STAP1: variants seen among roughly 807,000 people sequenced by gnomAD.
STAP1 encodes signal transducing adaptor family member 1.
In STAP1, 30 loss-of-function variants were observed where a neutral mutation model predicts 37.8. The observed-to-expected ratio is 0.79, with a 90% CI of 0.59 to 1.08. The LOEUF is 1.08. Among genes scored for constraint, STAP1 ranks in the 50% least tolerant of loss-of-function variants. The pLI is 0.00. For synonymous variants in STAP1, 130 were observed against 116.0 expected, an observed-to-expected ratio of 1.12 and a Z score of -0.78; for missense variants, 357 against 349.4, an observed-to-expected ratio of 1.02 and a Z score of -0.17.
At chr4:67,596,910 C>A (rs1046723780) in intron 8 of STAP1, among the ~76,000 whole-genome samples, 1 of 152,174 alleles carries the variant, frequency 6.6e-6, no homozygotes, top group Non-Finnish European at 1.5e-5. Context: ...TGCAGCCTGA[C>A]CATGTGGTAG....
At chr4:67,582,837 A>G (rs1440877984) in intron 5 of STAP1, among the ~76,000 whole-genome samples, 2 of 152,210 alleles carry the variant, frequency 1.3e-5, no homozygotes, top group African/African-American at 2.4e-5. Context: ...GAGACATTCA[A>G]CATTTTATTA....
chr4:67,573,178 T>C (rs1372538078), intron 2 of STAP1, among the ~76,000 whole-genome samples: 2 of 152,232 alleles, frequency 1.3e-5, no homozygotes, highest in African/African-American at 4.8e-5. Flanking sequence ...TGTTTCATGT[T>C]ATTCCAGAAA....
At chr4:67,589,809 ATT>A (rs35601578) in intron 6 of STAP1, among the ~76,000 whole-genome samples, 1 of 147,712 alleles carries the variant, frequency 6.8e-6, no homozygotes. Flanking sequence ...GGGGATCCTA[ATT>A]TTTTTTTTTT....
chr4:67,577,924 C>T (rs1044463718), intron 4 of STAP1, among the ~76,000 whole-genome samples: 1 of 152,152 alleles, frequency 6.6e-6, no homozygotes, highest in Non-Finnish European at 1.5e-5. Context: ...GCTGGGATTA[C>T]AGGTGTGAGC....
At chr4:67,558,956 C>T in intron 1 of STAP1, 27 bp downstream of exon 1, 1 of 1,537,590 alleles carries the variant, frequency 6.5e-7, no homozygotes, top group South Asian at 1.3e-5. Flanking sequence ...TAATGTTAAA[C>T]CTAAGACTTC....
intron 6 of STAP1, among the ~76,000 whole-genome samples, chr4:67,586,072 T>A (rs980882400): frequency 5.9e-5 from 9 of 152,092 alleles, no homozygotes; most frequent in African/African-American, 2.2e-4. Context: ...CCTTTCTTGG[T>A]CAGATTGAGT....
intron 4 of STAP1, 48 bp from the exon 5 acceptor site, chr4:67,581,257 A>G (rs1273803153): frequency 1.3e-6 from 2 of 1,574,768 alleles, no homozygotes; most frequent in African/African-American, 2.7e-5. Flanking sequence ...TAAAGTTATA[A>G]GTTATTAAGC....
intron 7 of STAP1, 139 bp downstream of exon 7, chr4:67,591,092 T>C: frequency 2.2e-6 from 1 of 445,318 alleles, no homozygotes; most frequent in South Asian, 6.3e-5. Flanking sequence ...CAGGAACAGG[T>C]GGTGAGGCAG....
intron 6 of STAP1, among the ~76,000 whole-genome samples, chr4:67,587,887 A>AT (rs924070141): frequency 5.3e-5 from 8 of 150,912 alleles, no homozygotes; most frequent in Non-Finnish European, 7.4e-5. Flanking sequence ...CGCCTGGCTA[A>AT]TTTTTTTTGT....
chr4:67,593,976 G>A (rs953851423), intron 8 of STAP1, among the ~76,000 whole-genome samples: 5 of 152,124 alleles, frequency 3.3e-5, no homozygotes, highest in Admixed American at 1.3e-4. Context: ...CCATCAAACC[G>A]AGCATGAGAC....
intron 7 of STAP1, among the ~76,000 whole-genome samples, chr4:67,592,724 A>G (rs1416569565): frequency 6.6e-6 from 1 of 152,206 alleles, no homozygotes; most frequent in East Asian, 1.9e-4. Context: ...TTACCCTGTC[A>G]CCCAGGCTGG....
chr4:67,569,313 G>C (rs973334791), intron 1 of STAP1, among the ~76,000 whole-genome samples: 8 of 152,142 alleles, frequency 5.3e-5, no homozygotes, highest in Admixed American at 5.2e-4. Flanking sequence ...AGTTTCTCTG[G>C]GTAAGTCAGT....
At chr4:67,575,527 A>C (rs760719710) in intron 3 of STAP1, 29 bp downstream of exon 3, 2 of 1,497,232 alleles carry the variant, frequency 1.3e-6, no homozygotes, top group Non-Finnish European at 1.8e-6. Flanking sequence ...TAGTCTGTAA[A>C]GGGTTGTGGT....
At position 67,577,214 on chromosome 4, in the gene STAP1, AGAAAGTGGGGAAGAATG is replaced by A; in HGVS notation, c.321_337del (p.Ser108ArgfsTer24). ...GTCTTCAACTTTAGACAGAGAACACAGAAAGTGGGGAAGAATGGAGAGGCTTCATTCTTACAGTAACA... is the reference window on the plus strand; with the variant it reads ...GTCTTCAACTTTAGACAGAGAACACAGAGAGGCTTCATTCTTACAGTAACA... On this transcript the variant is annotated frameshift_variant, in exon 4 of 9. Coordinates refer to ENST00000265404, the MANE Select transcript of STAP1 (RefSeq NM_012108.4). LOFTEE classifies it high-confidence loss of function. 2 of 1,611,108 alleles carry A rather than the reference AGAAAGTGGGGAAGAATG, an allele frequency of 1.2e-6. No individual in the cohort carries two copies. Among genetic ancestry groups the A allele is most frequent in the Non-Finnish European group, 1.7e-6 (2 of 1,178,660 alleles).
chr4:67,583,645 T>C lies in STAP1; in HGVS notation c.602T>C (p.Ile201Thr). The change falls in exon 6 of 9, where the codon ATC becomes ACC. Residue 201 changes from isoleucine (I) to threonine (T), a missense_variant. Transcript: ENST00000265404. ...AAGAACCCTTCTTTGGGAAATATGA[T>C]CCTGAGGCCTGGTAGTGACAGTAGA... ...LQKNPSLGNM[I>T]LRPGSDSRNY... 1 of 1,614,048 alleles carries C rather than the reference T, an allele frequency of 6.2e-7. No homozygotes were observed. The highest frequency in any genetic ancestry group is 8.5e-7 in the Non-Finnish European group (1 of 1,179,972).
intron 8 of STAP1, among the ~76,000 whole-genome samples, chr4:67,601,229 C>G (rs1401394700): frequency 1.3e-5 from 2 of 152,136 alleles, no homozygotes; most frequent in African/African-American, 4.8e-5. Flanking sequence ...ACTGCAAAAA[C>G]AAGCAAACAG....
chr4:67,604,156 AG>A (rs1204137005), intron 8 of STAP1, among the ~76,000 whole-genome samples: 1 of 152,168 alleles, frequency 6.6e-6, no homozygotes, highest in African/African-American at 2.4e-5. Context: ...AGTAGCACTG[AG>A]TTACAATGCA....
At chr4:67,592,917 C>T (rs1273499714) in intron 7 of STAP1, among the ~76,000 whole-genome samples, 1 of 152,168 alleles carries the variant, frequency 6.6e-6, no homozygotes, top group African/African-American at 2.4e-5. Flanking sequence ...CTCCTGGTCT[C>T]AAATGATCTT....
At chr4:67,561,599 T>A (rs1727338584) in intron 1 of STAP1, among the ~76,000 whole-genome samples, 1 of 152,120 alleles carries the variant, frequency 6.6e-6, no homozygotes, top group Admixed American at 6.5e-5. Flanking sequence ...AAACACATAA[T>A]CTTTATGGAA....
Sources: gnomAD v4.1 joint callset for allele counts (sites outside exome capture counted in the v4.1 genomes callset) on GRCh38, gnomAD v4.1.1 for gene constraint, MANE v1.5 for transcripts, NCBI Gene and HGNC (gene_info 2026-07-23, HGNC 2026-07-21) for gene names.